The following CDYL2 variants were observed in gnomAD, a reference collection of about 807,000 sequenced individuals.
The protein encoded by CDYL2 is chromodomain Y-like protein 2.
CDYL2 carries 23 observed loss-of-function variants against 49.4 expected under a neutral mutation model. The ratio of observed to expected loss-of-function variants is 0.47; its 90% CI spans 0.34 to 0.66. CDYL2 has a LOEUF of 0.66. Among genes scored for constraint, CDYL2 ranks in the 30% least tolerant of loss-of-function variants. The pLI, the probability that CDYL2 is intolerant of heterozygous loss-of-function variation, is 0.01. For missense variants in CDYL2, 678 were observed against 656.4 expected (o/e 1.03, Z -0.36); for synonymous variants, 360 against 268.8 (o/e 1.34, Z -3.32).
chr16:80,626,021 G>A (rs1907281697), intron 3 of CDYL2, among the ~76,000 whole-genome samples: 1 of 152,008 alleles, frequency 6.6e-6, no homozygotes, highest in East Asian at 1.9e-4. Context: ...AGAAATTGGT[G>A]GATCACACCT....
At chr16:80,803,737 G>GC (rs951533679) in intron 1 of CDYL2, among the ~76,000 whole-genome samples, 13 of 134,028 alleles carry the variant, frequency 9.7e-5, no homozygotes, top group Admixed American at 4.4e-4. Flanking sequence ...GCCGCGGCGC[G>GC]CCCCCCCGCA....
intron 2 of CDYL2, among the ~76,000 whole-genome samples, chr16:80,644,184 C>A (rs559534755): frequency 7.5e-4 from 115 of 152,334 alleles, no homozygotes; most frequent in African/African-American, 2.6e-3. Context: ...GGGCAAAATG[C>A]CACCAGTTGC....
intron 1 of CDYL2, among the ~76,000 whole-genome samples, chr16:80,769,307 G>A (rs543271970): frequency 6.6e-6 from 1 of 152,326 alleles, no homozygotes; most frequent in East Asian, 1.9e-4. Context: ...AAAACTATTA[G>A]TAAAAGCATG....
intron 2 of CDYL2, among the ~76,000 whole-genome samples, chr16:80,678,181 T>C (rs1252038226): frequency 2.0e-5 from 3 of 152,170 alleles, no homozygotes; most frequent in East Asian, 3.9e-4. Context: ...TAGGCATTAC[T>C]ATTCAGGACA....
intron 1 of CDYL2, among the ~76,000 whole-genome samples, chr16:80,787,838 G>A (rs1907486376): frequency 2.0e-5 from 3 of 152,156 alleles, no homozygotes; most frequent in South Asian, 4.1e-4. Flanking sequence ...TTTTAGTAAA[G>A]ATTAGTAATG....
intron 2 of CDYL2, chr16:80,639,813 A>C (rs1397505196): frequency 2.3e-6 from 1 of 439,480 alleles, no homozygotes; most frequent in African/African-American, 2.0e-5. Context: ...GTGGAAAGGG[A>C]GAGTGTAGCA....
Position 80,620,780 on chromosome 16 carries a change from C to G in CDYL2, c.990G>C (p.Arg330=). Residue 330 remains arginine, a synonymous_variant, in exon 4 of 7, where the codon CGG becomes CGC. Coordinates refer to ENST00000570137, the MANE Select transcript of CDYL2 (RefSeq NM_152342.4). The part of the protein sequence containing the change: ...LSSDRRKEST[R]IAEAIRDFVK... ...CAGCTCACCTGATGGCTTCTGCAAT[C>G]CGAGTGCTCTCCTTTCGCCGGTCGC... 1 of 1,606,288 alleles carries G rather than the reference C, an allele frequency of 6.2e-7. No individual in the cohort carries two copies. Among genetic ancestry groups the G allele is most frequent in the Middle Eastern group, 1.7e-4 (1 of 6,024 alleles).
chr16:80,771,409 T>G (rs953819765), intron 1 of CDYL2, among the ~76,000 whole-genome samples: 1 of 152,172 alleles, frequency 6.6e-6, no homozygotes, highest in Non-Finnish European at 1.5e-5. Context: ...AATTTCAACA[T>G]ACAAACGAAA....
chr16:80,749,695 T>C (rs993707008), intron 1 of CDYL2, among the ~76,000 whole-genome samples: 2 of 151,832 alleles, frequency 1.3e-5, no homozygotes, highest in African/African-American at 2.4e-5. Flanking sequence ...TGAAGCTGAG[T>C]TCAGGGGGAA....
At chr16:80,795,771 G>C (rs541943115) in intron 1 of CDYL2, among the ~76,000 whole-genome samples, 44 of 152,286 alleles carry the variant, frequency 2.9e-4, no homozygotes, top group African/African-American at 1.0e-3. Context: ...AGTTCTTAGA[G>C]TTACCAGTTC....
chr16:80,634,492 G>C (rs892263393), intron 2 of CDYL2, among the ~76,000 whole-genome samples: 1 of 152,182 alleles, frequency 6.6e-6, no homozygotes, highest in Non-Finnish European at 1.5e-5. Context: ...ACCAGGGCCT[G>C]TCGTGGGGTG....
chr16:80,772,997 C>A (rs1212888888), intron 1 of CDYL2, among the ~76,000 whole-genome samples: 1 of 151,864 alleles, frequency 6.6e-6, no homozygotes, highest in Non-Finnish European at 1.5e-5. Flanking sequence ...TCTAAATATT[C>A]CAATTAAAAC....
At chr16:80,675,853 T>C (rs1909723293) in intron 2 of CDYL2, among the ~76,000 whole-genome samples, 1 of 152,238 alleles carries the variant, frequency 6.6e-6, no homozygotes. Context: ...TATACCCTTT[T>C]TGGAAGTCCC....
rs1489624948 is a variant in CDYL2, at chr16:80,612,152, T to A, written c.1218+474A>T. 6.6e-6 allele frequency among the ~76,000 whole-genome samples: 1 copy of A among 152,190 alleles called. No individual in the cohort carries two copies. Among genetic ancestry groups the A allele is most frequent in the East Asian group, 1.9e-4 (1 of 5,180 alleles). The stretch of plus-strand genomic sequence containing the variant: ...GGAGGGGAAGACGCCCCTGCCGGCC[T>A]GGCCCATGAAGCCCTCCAGGGTGAT... On this transcript the variant is annotated intron_variant, in intron 5 of 6. Transcript: ENST00000570137. This position sits in a 1 kb window ranked among gnomAD's most constrained non-coding sequence, Gnocchi z 5.0.
intron 1 of CDYL2, among the ~76,000 whole-genome samples, chr16:80,742,465 G>GATGGATGC (rs1555534524): frequency 6.8e-6 from 1 of 147,322 alleles, no homozygotes; most frequent in Non-Finnish European, 1.5e-5. Flanking sequence ...TGGATGCATG[G>GATGGATGC]ATGGATGGAT....
chr16:80,618,036 G>C (rs1906909323), intron 4 of CDYL2, among the ~76,000 whole-genome samples: 1 of 152,184 alleles, frequency 6.6e-6, no homozygotes, highest in African/African-American at 2.4e-5. Context: ...TCAGGGCTGA[G>C]AACCAGTGGT....
chr16:80,665,358 C>A (rs1482506127), intron 2 of CDYL2, among the ~76,000 whole-genome samples: 1 of 152,032 alleles, frequency 6.6e-6, no homozygotes, highest in African/African-American at 2.4e-5. Flanking sequence ...TCAGTTCTTC[C>A]CACAGGAATA....
chr16:80,720,934 G>C (rs990878119), intron 1 of CDYL2, among the ~76,000 whole-genome samples: 2 of 152,152 alleles, frequency 1.3e-5, no homozygotes, highest in Non-Finnish European at 2.9e-5. Flanking sequence ...TAAGGGAATA[G>C]ACTAAAATAA....
intron 1 of CDYL2, among the ~76,000 whole-genome samples, chr16:80,699,407 C>T (rs1035862393): frequency 8.5e-5 from 13 of 152,276 alleles, no homozygotes; most frequent in Admixed American, 7.8e-4. Flanking sequence ...TGAAATAAGC[C>T]AGGCATAGAA....
Sources: gnomAD v4.1 joint callset for allele counts (sites outside exome capture counted in the v4.1 genomes callset) on GRCh38, gnomAD v4.1.1 for gene constraint, Gnocchi (gnomAD v3.1) non-coding constraint, MANE v1.5 for transcripts, NCBI Gene and HGNC (gene_info 2026-07-23, HGNC 2026-07-21) for gene names.